The following IQSEC1 variants were observed in gnomAD, a reference collection of about 807,000 sequenced individuals.
IQSEC1 encodes IQ motif and Sec7 domain ArfGEF 1.
IQSEC1 carries 31 observed loss-of-function variants against 91.0 expected under a neutral mutation model. The observed-to-expected ratio is 0.34, with a 90% CI of 0.26 to 0.46. The LOEUF is 0.46. IQSEC1 is among the 20% of genes least tolerant of loss of function. The pLI, the probability that IQSEC1 is intolerant of heterozygous loss-of-function variation, is 1.00. For missense variants in IQSEC1, 1,388 were observed against 1,575.6 expected, an observed-to-expected ratio of 0.88 and a Z score of 2.02; for synonymous variants, 699 against 662.6, an observed-to-expected ratio of 1.05 and a Z score of -0.84.
intron 2 of IQSEC1, among the ~76,000 whole-genome samples, chr3:13,127,411 T>C (rs943475576): frequency 6.7e-6 from 1 of 149,124 alleles, no homozygotes; most frequent in Non-Finnish European, 1.5e-5. Flanking sequence ...CAAAACTCTG[T>C]CTCAACAACA....
At chr3:13,124,324 T>A (rs1181983802) in intron 2 of IQSEC1, among the ~76,000 whole-genome samples, 3 of 152,152 alleles carry the variant, frequency 2.0e-5, no homozygotes. Context: ...ACATTGCTTA[T>A]GCCTCCAAAG....
At chr3:12,996,023 T>G (rs1392504638) in intron 1 of IQSEC1, among the ~76,000 whole-genome samples, 1 of 151,948 alleles carries the variant, frequency 6.6e-6, no homozygotes, top group African/African-American at 2.4e-5. Flanking sequence ...CAAAAATAAA[T>G]TAACCAGGCA....
Position 12,900,454 on chromosome 3 carries a change from T to G in IQSEC1, c.*529A>C. ...ACACACAAGTACTACCTATACAGTA[T>G]ATATATATATATATTTATATATTTA... On this transcript the variant is annotated 3_prime_UTR_variant, in exon 14 of 14. Transcript: ENST00000613206. 1.4e-6 allele frequency: 1 copy of G among 707,600 alleles called. No individual in the cohort carries two copies. The highest frequency in any genetic ancestry group is 7.3e-4 in the Middle Eastern group (1 of 1,378). The allele number at this position is 707,600 out of a possible 1,614,324, so 43.8% of individuals were successfully genotyped here.
intron 2 of IQSEC1, among the ~76,000 whole-genome samples, chr3:13,080,618 C>A (rs907071919): frequency 4.6e-5 from 7 of 151,974 alleles, no homozygotes; most frequent in African/African-American, 7.3e-5. Context: ...TTTAAGGGAA[C>A]AGCAAAAGCC....
chr3:13,231,557 G>T (rs528247910), intron 1 of IQSEC1, among the ~76,000 whole-genome samples: 2 of 106,484 alleles, frequency 1.9e-5, no homozygotes, highest in Non-Finnish European at 4.1e-5. Flanking sequence ...ACCTCCCAAC[G>T]GCCCCACCTT....
intron 1 of IQSEC1, among the ~76,000 whole-genome samples, chr3:13,001,043 TG>T (rs896580419): frequency 1.3e-5 from 2 of 148,858 alleles, no homozygotes; most frequent in African/African-American, 5.0e-5. Flanking sequence ...CTCTACCTCC[TG>T]GGTTCAAGCA....
At chr3:12,920,678 G>T in intron 5 of IQSEC1, 82 bp from the exon 6 acceptor site, 1 of 1,427,922 alleles carries the variant, frequency 7.0e-7, no homozygotes, top group Non-Finnish European at 9.7e-7. Context: ...GCTGTCATGT[G>T]CCGCTAAGCC....
chr3:13,263,773 C>A (rs1695436446), intron 1 of IQSEC1, among the ~76,000 whole-genome samples: 1 of 152,094 alleles, frequency 6.6e-6, no homozygotes, highest in South Asian at 2.1e-4. Flanking sequence ...TAGGTACTCA[C>A]CCAGTGCCCC....
At chr3:13,051,812 T>C (rs1704701933) in intron 1 of IQSEC1, among the ~76,000 whole-genome samples, 1 of 152,154 alleles carries the variant, frequency 6.6e-6, no homozygotes, top group African/African-American at 2.4e-5. Flanking sequence ...TCAGTGTTTC[T>C]ATCCTGGTTG....
Position 13,214,841 on chromosome 3 carries a change from T to A in IQSEC1, c.273-50708A>T, listed in dbSNP as rs142724474. On this transcript the variant is annotated intron_variant, in intron 1 of 15. Transcript: ENST00000648114. The surrounding 1 kb of genome is among the most constrained non-coding windows in gnomAD (Gnocchi z 4.5). ...TTTCTGTGTAAAGAGCAAGAGCAGG[T>A]CCCAGTGTTTGCAGCTGAGCGCCAG... Among the ~76,000 whole-genome samples, 1 of 152,188 alleles carries A rather than the reference T, an allele frequency of 6.6e-6. No homozygotes were observed. The highest frequency in any genetic ancestry group is 1.5e-5 in the Non-Finnish European group (1 of 68,036).
At chr3:13,248,796 G>A (rs974983326) in intron 1 of IQSEC1, among the ~76,000 whole-genome samples, 3 of 96,716 alleles carry the variant, frequency 3.1e-5, no homozygotes, top group South Asian at 3.1e-4. Flanking sequence ...CAGAGAGGTT[G>A]AGTAACTTGC....
At position 12,901,157 on chromosome 3, in the gene IQSEC1, C is replaced by G. The variant is rs372683096; in HGVS notation, c.3171G>C (p.Gln1057His). Residue 1057 changes from glutamine (Q) to histidine (H), a missense_variant, in exon 14 of 14, where the codon CAG (glutamine) becomes CAC (histidine). Coordinates refer to ENST00000613206, the MANE Select transcript of IQSEC1 (RefSeq NM_001134382.3). ...GGCCCCCATGGGGGCCGTGGTGGTA[C>G]TGGTGTGCGTGCTGGATGTGCTGGG... ...HPPQHIQHAH[Q>H]YHHGPHGGHP... The G allele has an allele frequency of 6.5e-7, 1 of 1,543,692 alleles. No individual in the cohort carries two copies. Among genetic ancestry groups the G allele is most frequent in the Non-Finnish European group, 8.7e-7 (1 of 1,145,026 alleles).
chr3:13,052,038 T>C (rs924073976), intron 1 of IQSEC1, among the ~76,000 whole-genome samples: 8 of 152,222 alleles, frequency 5.3e-5, no homozygotes, highest in African/African-American at 1.9e-4. Flanking sequence ...ACACCATCAA[T>C]GCTAGGAAAG....
chr3:13,127,790 C>T lies in IQSEC1; in HGVS notation c.302+36314G>A, dbSNP rs1029349118. 2.6e-5 allele frequency among the ~76,000 whole-genome samples: 4 copies of T among 152,108 alleles called. No homozygotes were observed. The South Asian group carries it at 8.3e-4, about 32-fold the overall frequency. The stretch of plus-strand genomic sequence containing the variant: ...CGATCCACGAACATGGTATGTCTTT[C>T]CATTTGGTTATATCATCTTTTCTTT... On this transcript the variant is annotated intron_variant, in intron 2 of 15. Transcript: ENST00000648114.
At chr3:13,198,012 T>C (rs923775821) in intron 1 of IQSEC1, among the ~76,000 whole-genome samples, 1 of 152,300 alleles carries the variant, frequency 6.6e-6, no homozygotes, top group Non-Finnish European at 1.5e-5. Context: ...GACTATGCCC[T>C]GTGGCCCCGG....
intron 1 of IQSEC1, among the ~76,000 whole-genome samples, chr3:13,190,530 T>A (rs1694003545): frequency 2.1e-5 from 3 of 146,094 alleles, no homozygotes. Context: ...TACTCCAGCC[T>A]GGGTGACAGA....
At position 12,967,871 on chromosome 3, in the gene IQSEC1, C is replaced by A. The variant is rs1019435697; in HGVS notation, c.24-26006G>T. On this transcript the variant is annotated intron_variant, in intron 1 of 13. Coordinates refer to ENST00000613206, the MANE Select transcript of IQSEC1 (RefSeq NM_001134382.3). The surrounding 1 kb of genome is among the most constrained non-coding windows in gnomAD (Gnocchi z 5.9). ...GCACAGGAGGCGTGGCCACACGGCG[C>A]CGCGGAAGAAGCACAGGGGGCGGGG... Among the ~76,000 whole-genome samples, 5 of 135,864 alleles carry A rather than the reference C, an allele frequency of 3.7e-5. No homozygotes were observed. Among genetic ancestry groups the A allele is most frequent in the Non-Finnish European group, 3.1e-5 (2 of 64,752 alleles). 89.1% of individuals were successfully genotyped at this position (135,864 alleles called of 152,430 possible). A position where few individuals can be genotyped will look rare whatever the true frequency, so the allele number is the denominator to read the frequency against.
chr3:13,074,837 A>G (rs1008706634), upstream of IQSEC1, among the ~76,000 whole-genome samples: 1 of 152,186 alleles, frequency 6.6e-6, no homozygotes. Flanking sequence ...TGCATCCTTG[A>G]GTTCCATTCC....
chr3:13,021,743 C>T (rs1703407308), intron 1 of IQSEC1, among the ~76,000 whole-genome samples: 1 of 152,252 alleles, frequency 6.6e-6, no homozygotes, highest in Admixed American at 6.5e-5. Flanking sequence ...GCCAGGGTCA[C>T]ACAGCTGTGC....
Sources: gnomAD v4.1 joint callset for allele counts (sites outside exome capture counted in the v4.1 genomes callset) on GRCh38, gnomAD v4.1.1 for gene constraint, Gnocchi (gnomAD v3.1) non-coding constraint, MANE v1.5 for transcripts, NCBI Gene and HGNC (gene_info 2026-07-23, HGNC 2026-07-21) for gene names.